Variants in PARD3B observed in about 807,000 individuals in gnomAD.
The protein encoded by PARD3B is par-3 family cell polarity regulator beta, also known as partitioning defective 3 homolog B.
A neutral mutation model predicts 130.2 loss-of-function variants in PARD3B; 103 were observed. That is an observed-to-expected ratio of 0.79 (90% confidence interval 0.67 to 0.93). The LOEUF (loss-of-function observed/expected upper bound fraction) is 0.93. Among genes scored for constraint, PARD3B ranks in the 40% least tolerant of loss-of-function variants. PARD3B has a pLI of 0.00. For missense variants in PARD3B, 1,609 were observed against 1,499.2 expected, an observed-to-expected ratio of 1.07 and a Z score of -1.21; for synonymous variants, 583 against 553.2, an observed-to-expected ratio of 1.05 and a Z score of -0.76.
chr2:205,533,911 G>GAGAT (rs199977106), intron 21 of PARD3B, among the ~76,000 whole-genome samples: 2,339 of 152,224 alleles, frequency 0.015, 31 homozygotes, highest in Middle Eastern at 0.027. Context: ...AGTGTTTTAA[G>GAGAT]AGATGAAGAA....
intron 2 of PARD3B, among the ~76,000 whole-genome samples, chr2:204,957,747 A>G (rs1160559543): frequency 6.6e-6 from 1 of 152,164 alleles, no homozygotes; most frequent in African/African-American, 2.4e-5. Context: ...AGATGCACAC[A>G]TACATTTAAA....
At chr2:205,295,560 C>T (rs1001391587) in intron 16 of PARD3B, among the ~76,000 whole-genome samples, 1 of 152,140 alleles carries the variant, frequency 6.6e-6, no homozygotes, top group Non-Finnish European at 1.5e-5. Flanking sequence ...TTACAAAGCT[C>T]TAGCTGGAAG....
intron 3 of PARD3B, among the ~76,000 whole-genome samples, chr2:204,984,036 T>G (rs1692919449): frequency 6.6e-6 from 1 of 152,102 alleles, no homozygotes; most frequent in African/African-American, 2.4e-5. Context: ...CTGTTTTATA[T>G]CTATCTAATT....
At chr2:205,193,181 A>G in intron 14 of PARD3B, 24 bp from the exon 15 acceptor site, 1 of 1,507,680 alleles carries the variant, frequency 6.6e-7, no homozygotes, top group Non-Finnish European at 9.2e-7. Context: ...AAACCTAAAT[A>G]CAACATATGG....
Position 205,158,638 on chromosome 2 carries a change from T to C in PARD3B, c.1435-84T>C. 7.5e-7 allele frequency: 1 copy of C among 1,330,986 alleles called. No individual in the cohort carries two copies. The allele number at this position is 1,330,986 out of a possible 1,614,324, so 82.4% of individuals were successfully genotyped here. ...GGTCCAGTCATCCTGTCCTACTGAT[T>C]GCATCTGTGTCTGGTCATCTGAGAG... On this transcript the variant is annotated intron_variant, in intron 10 of 22. Transcript: ENST00000406610. The surrounding 1 kb of genome is among the most constrained non-coding windows in gnomAD (Gnocchi z 5.4).
At chr2:205,190,482 A>G (rs2036335340) in intron 14 of PARD3B, among the ~76,000 whole-genome samples, 2 of 152,222 alleles carry the variant, frequency 1.3e-5, no homozygotes, top group South Asian at 4.1e-4. Context: ...GCCACATAGT[A>G]AAAGGTGAGC....
intron 2 of PARD3B, among the ~76,000 whole-genome samples, chr2:204,830,159 C>T (rs923594390): frequency 4.6e-5 from 7 of 152,010 alleles, no homozygotes; most frequent in African/African-American, 1.7e-4. Context: ...CCTGTGGAAC[C>T]GTAAGTCAGT....
At chr2:205,368,978 C>G (rs1034399797) in intron 18 of PARD3B, among the ~76,000 whole-genome samples, 1 of 152,030 alleles carries the variant, frequency 6.6e-6, no homozygotes, top group Non-Finnish European at 1.5e-5. Context: ...ACCTGTACTT[C>G]AGTTCTTTTT....
chr2:204,780,857 A>T (rs1014881864), intron 2 of PARD3B, among the ~76,000 whole-genome samples: 4 of 151,934 alleles, frequency 2.6e-5, no homozygotes, highest in Non-Finnish European at 1.5e-5. Flanking sequence ...TTCAATTCTG[A>T]GAAGTTCCAT....
At chr2:205,043,654 G>T (rs1407854683) in intron 3 of PARD3B, among the ~76,000 whole-genome samples, 1 of 151,984 alleles carries the variant, frequency 6.6e-6, no homozygotes, top group Non-Finnish European at 1.5e-5. Context: ...GGATAGAGTT[G>T]TCCCCTCTCA....
chr2:205,533,372 C>T (rs970652589), intron 21 of PARD3B, among the ~76,000 whole-genome samples: 3 of 152,078 alleles, frequency 2.0e-5, no homozygotes, highest in Non-Finnish European at 4.4e-5. Flanking sequence ...CTGTACAGAA[C>T]TTGAAGATGG....
chr2:205,571,826 G>T (rs918934642), intron 22 of PARD3B, among the ~76,000 whole-genome samples: 3 of 152,234 alleles, frequency 2.0e-5, no homozygotes, highest in African/African-American at 7.2e-5. Context: ...TAGGCATTTA[G>T]GGAGGCACAT....
At chr2:204,572,712 T>A (rs996487670) in intron 1 of PARD3B, among the ~76,000 whole-genome samples, 2 of 152,196 alleles carry the variant, frequency 1.3e-5, no homozygotes, top group Non-Finnish European at 2.9e-5. Flanking sequence ...TAGACAGCTG[T>A]GTAAATTTTG....
chr2:204,614,795 C>G (rs1348263702), intron 1 of PARD3B, among the ~76,000 whole-genome samples: 3 of 152,092 alleles, frequency 2.0e-5, no homozygotes, highest in Non-Finnish European at 4.4e-5. Flanking sequence ...CTCCTCCTCC[C>G]GCTTCACCTT....
intron 20 of PARD3B, among the ~76,000 whole-genome samples, chr2:205,498,022 C>CACACACACACACACACAA (rs2050004115): frequency 6.6e-6 from 1 of 150,864 alleles, no homozygotes; most frequent in Admixed American, 6.6e-5. Flanking sequence ...ACTAAACACA[C>CACACACACACACACACAA]ACACACACAC....
intron 20 of PARD3B, among the ~76,000 whole-genome samples, chr2:205,480,149 C>T (rs1174589576): frequency 1.3e-5 from 2 of 152,158 alleles, no homozygotes; most frequent in African/African-American, 2.4e-5. Flanking sequence ...AGATGATCCA[C>T]CCGCCTCGGC....
intron 2 of PARD3B, among the ~76,000 whole-genome samples, chr2:204,699,306 A>G (rs1442074586): frequency 6.6e-6 from 1 of 152,136 alleles, no homozygotes; most frequent in Admixed American, 6.6e-5. Context: ...CACTGAAAAC[A>G]CATCTGTGAT....
intron 3 of PARD3B, among the ~76,000 whole-genome samples, chr2:204,999,467 A>T (rs980746777): frequency 1.4e-4 from 22 of 152,228 alleles, no homozygotes; most frequent in African/African-American, 5.1e-4. Context: ...TGTACCAAGA[A>T]ACTATTTAAA....
intron 18 of PARD3B, among the ~76,000 whole-genome samples, chr2:205,362,486 T>G (rs1424463272): frequency 6.6e-6 from 1 of 152,186 alleles, no homozygotes; most frequent in Non-Finnish European, 1.5e-5. Context: ...TGTGTTCTGT[T>G]CCTTGGAGAG....
Sources: gnomAD v4.1 joint callset for allele counts (sites outside exome capture counted in the v4.1 genomes callset) on GRCh38, gnomAD v4.1.1 for gene constraint, Gnocchi (gnomAD v3.1) non-coding constraint, MANE v1.5 for transcripts, NCBI Gene and HGNC (gene_info 2026-07-23, HGNC 2026-07-21) for gene names.